SRCIN1: variants seen among roughly 807,000 people sequenced by gnomAD.
SRCIN1 encodes the protein SRC kinase signaling inhibitor 1.
In SRCIN1, 50 loss-of-function variants were observed where a neutral mutation model predicts 116.2. That is an observed-to-expected ratio of 0.43 (90% CI 0.34 to 0.54). The LOEUF is 0.54. SRCIN1 is among the 20% of genes least tolerant of loss of function. The pLI, the probability that SRCIN1 is intolerant of heterozygous loss-of-function variation, is 0.02. For synonymous variants in SRCIN1, 736 were observed against 750.0 expected (o/e 0.98, Z 0.30); for missense variants, 1,446 against 1,672.0 (o/e 0.86, Z 2.36).
At chr17:38,591,662 C>T (rs1908450394) in intron 1 of SRCIN1, among the ~76,000 whole-genome samples, 1 of 152,232 alleles carries the variant, frequency 6.6e-6, no homozygotes, top group Non-Finnish European at 1.5e-5. Context: ...GCTCCTAACG[C>T]TCAGGCCTCC....
chr17:38,543,788 T>G, intron 18 of SRCIN1, 35 bp downstream of exon 18: 1 of 1,594,628 alleles, frequency 6.3e-7, no homozygotes, highest in Non-Finnish European at 8.5e-7. Context: ...TGCAGCAGAG[T>G]GGGCCTGGGT....
chr17:38,592,238 C>T (rs375019149), intron 1 of SRCIN1, among the ~76,000 whole-genome samples: 3 of 152,198 alleles, frequency 2.0e-5, no homozygotes, highest in Non-Finnish European at 4.4e-5. Context: ...CTCTGCAGCT[C>T]GGCACCTGTC....
rs1255926477 is a variant in SRCIN1, at chr17:38,563,876, G to C, written c.541+242C>G. The C allele has an allele frequency of 6.5e-6, 4 of 610,898 alleles. No individual in the cohort carries two copies. Among genetic ancestry groups the C allele is most frequent in the East Asian group, 5.5e-5 (2 of 36,474 alleles). 37.8% of individuals were successfully genotyped at this position (610,898 alleles called of 1,614,324 possible). ...GATGGGAGAGAAGGGAGGGATGAAA[G>C]AAAGGGACAGAAAAGGAAGCAAGAG... On this transcript the variant is annotated intron_variant, in intron 4 of 18. Transcript: ENST00000617146. This position sits in a 1 kb window ranked among gnomAD's most constrained non-coding sequence, Gnocchi z 5.8.
At chr17:38,595,641 C>G (rs1310573387) in intron 1 of SRCIN1, among the ~76,000 whole-genome samples, 1 of 152,178 alleles carries the variant, frequency 6.6e-6, no homozygotes, top group Non-Finnish European at 1.5e-5. Context: ...TTCTCCCATC[C>G]CCCACCCTCT....
In SRCIN1 at chr17:38,573,723, C is replaced by A. The variant is rs9889791; in HGVS notation, c.324+4767G>T. On this transcript the variant is annotated intron_variant, in intron 2 of 18. Transcript: ENST00000617146. ...GCACCACAACCCTACCCATGCATAT[C>A]ACATCGTCCTCTGTCCTATCACCAT... is the stretch of plus-strand genomic sequence containing the variant. Among the ~76,000 whole-genome samples the A allele has an allele frequency of 7.1e-3, 1,089 of 152,350 alleles. 13 individuals carry two copies. The highest frequency in any genetic ancestry group is 0.025 in the African/African-American group (1,053 of 41,572).
intron 10 of SRCIN1, chr17:38,559,361 G>T: frequency 1.8e-6 from 1 of 569,154 alleles, no homozygotes; most frequent in Non-Finnish European, 3.1e-6. Context: ...TCACGGGCGA[G>T]GGATAAGGCC....
At chr17:38,590,066 T>C (rs1312863727) in intron 1 of SRCIN1, among the ~76,000 whole-genome samples, 1 of 152,210 alleles carries the variant, frequency 6.6e-6, no homozygotes, top group Non-Finnish European at 1.5e-5. Flanking sequence ...CATCTGGGAA[T>C]GTGGAGCACA....
At chr17:38,595,429 G>C (rs1242911981) in intron 1 of SRCIN1, among the ~76,000 whole-genome samples, 1 of 152,168 alleles carries the variant, frequency 6.6e-6, no homozygotes, top group African/African-American at 2.4e-5. Flanking sequence ...CGTTTGCCAG[G>C]CTGGTCTCGA....
chr17:38,566,902 TTTCC>T (rs139903008), intron 3 of SRCIN1, among the ~76,000 whole-genome samples: 2,273 of 17,404 alleles, frequency 0.13, 82 homozygotes, highest in African/African-American at 0.26. Context: ...TCCTTCCTTC[TTTCC>T]TTCCTTCCTT....
upstream of SRCIN1, among the ~76,000 whole-genome samples, chr17:38,606,462 C>T (rs924021721): frequency 4.6e-4 from 70 of 152,272 alleles, no homozygotes; most frequent in Non-Finnish European, 8.7e-4. This position sits in a 1 kb window ranked among gnomAD's most constrained non-coding sequence, Gnocchi z 5.2. Context: ...CGCGACCCCT[C>T]ACCCCAGCGC....
chr17:38,561,504 A>C lies in SRCIN1; in HGVS notation c.1659T>G (p.Val553=). The change falls in exon 7 of 19, where the codon GTT becomes GTG. Residue 553 remains valine (V), a synonymous_variant. Transcript: ENST00000617146. The stretch of plus-strand genomic sequence containing the variant: ...TGGCTGGCACTGGCGGCCCGAACCC[A>C]ACCAGCGAGCGTTCCCCAGGCCCAG... The part of the protein sequence containing the change: ...LFPGPGERSL[V]GFGPPVPAKD... The C allele has an allele frequency of 6.3e-7, 1 of 1,595,796 alleles. No individual in the cohort carries two copies. Among genetic ancestry groups the C allele is most frequent in the East Asian group, 2.3e-5 (1 of 43,810 alleles).
At chr17:38,557,859 C>A (rs547168096) in intron 11 of SRCIN1, among the ~76,000 whole-genome samples, 1 of 152,190 alleles carries the variant, frequency 6.6e-6, no homozygotes, top group Non-Finnish European at 1.5e-5. Flanking sequence ...GAACTCACTA[C>A]CCAAGGGTCA....
Position 38,563,171 on chromosome 17 carries a change from G to T in SRCIN1, c.740+152C>A, listed in dbSNP as rs1489408727. Among the ~76,000 whole-genome samples the T allele has an allele frequency of 6.6e-6, 1 of 152,140 alleles. No individual in the cohort carries two copies. The highest frequency in any genetic ancestry group is 1.5e-5 in the Non-Finnish European group (1 of 68,008). The stretch of plus-strand genomic sequence containing the variant: ...TTAGGGGGTGGGGGCTGAGATGGCC[G>T]AGGAAGGGGGCGGGGCGGTAGGGCT... On this transcript the variant is annotated intron_variant, in intron 5 of 18. Coordinates refer to ENST00000617146, the MANE Select transcript of SRCIN1 (RefSeq NM_025248.3). This position sits in a 1 kb window ranked among gnomAD's most constrained non-coding sequence, Gnocchi z 5.8.
chr17:38,588,826 A>G (rs1908285696), intron 1 of SRCIN1, among the ~76,000 whole-genome samples: 1 of 152,142 alleles, frequency 6.6e-6, no homozygotes, highest in South Asian at 2.1e-4. Flanking sequence ...CGGGCTCATC[A>G]ATATTGGGCA....
intron 2 of SRCIN1, among the ~76,000 whole-genome samples, chr17:38,571,853 C>G (rs1907097634): frequency 6.6e-6 from 1 of 152,170 alleles, no homozygotes; most frequent in South Asian, 2.1e-4. Context: ...GAAGAGGAAA[C>G]AGCTTCTTCT....
intron 1 of SRCIN1, among the ~76,000 whole-genome samples, chr17:38,581,443 AGT>A (rs1009481372): frequency 2.7e-5 from 4 of 148,992 alleles, no homozygotes; most frequent in Non-Finnish European, 4.5e-5. Context: ...GAAAAAAAAA[AGT>A]GTGAGCCACC....
intron 1 of SRCIN1, among the ~76,000 whole-genome samples, chr17:38,589,855 C>T (rs1173883985): frequency 6.6e-6 from 1 of 152,210 alleles, no homozygotes; most frequent in Non-Finnish European, 1.5e-5. Flanking sequence ...TCCCTAGGGA[C>T]ACCCTGTTAG....
At chr17:38,555,416 T>G (rs1326788380) in intron 11 of SRCIN1, among the ~76,000 whole-genome samples, 1 of 152,200 alleles carries the variant, frequency 6.6e-6, no homozygotes, top group Non-Finnish European at 1.5e-5. Flanking sequence ...TCCATCAGCC[T>G]GGGTCCCTGA....
chr17:38,535,209 C>CTTTTTTTTTTTTTT, intron 18 of SRCIN1, among the ~76,000 whole-genome samples: 1 of 128,932 alleles, frequency 7.8e-6, no homozygotes, highest in South Asian at 2.5e-4. Flanking sequence ...CTTTTTCTTT[C>CTTTTTTTTTTTTTT]TTTTTTTTTT....
Sources: gnomAD v4.1 joint callset for allele counts (sites outside exome capture counted in the v4.1 genomes callset) on GRCh38, gnomAD v4.1.1 for gene constraint, Gnocchi (gnomAD v3.1) non-coding constraint, MANE v1.5 for transcripts, NCBI Gene and HGNC (gene_info 2026-07-23, HGNC 2026-07-21) for gene names.